FBXW7: variants seen among roughly 807,000 people sequenced by gnomAD.
FBXW7 encodes F-box and WD repeat domain containing 7.
Under a neutral mutation model 86.3 loss-of-function variants are expected in FBXW7, and 11 were observed. The ratio of observed to expected loss-of-function variants is 0.13; its 90% CI spans 0.08 to 0.21. FBXW7 has a LOEUF of 0.21. FBXW7 is among the 10% of genes least tolerant of loss of function. FBXW7 has a pLI of 1.00. For missense variants in FBXW7, 488 were observed against 847.4 expected, an observed-to-expected ratio of 0.58 and a Z score of 5.27; for synonymous variants, 313 against 297.9, an observed-to-expected ratio of 1.05 and a Z score of -0.52.
At chr4:152,432,710 G>A (rs1466124158) in intron 2 of FBXW7, among the ~76,000 whole-genome samples, 1 of 152,200 alleles carries the variant, frequency 6.6e-6, no homozygotes, top group African/African-American at 2.4e-5. Context: ...TACTAAAGAG[G>A]CTGAGGCAGG....
chr4:152,519,088 G>T (rs999386407), intron 2 of FBXW7, among the ~76,000 whole-genome samples: 20 of 152,168 alleles, frequency 1.3e-4, no homozygotes, highest in African/African-American at 4.6e-4. Context: ...CACGAGGTCA[G>T]GAGATCGAGA....
intron 2 of FBXW7, among the ~76,000 whole-genome samples, chr4:152,523,458 T>G (rs1337612726): frequency 1.3e-5 from 2 of 152,190 alleles, no homozygotes; most frequent in African/African-American, 4.8e-5. Context: ...TCCCCTCCTC[T>G]TAAGAAAATG....
intron 4 of FBXW7, among the ~76,000 whole-genome samples, chr4:152,379,643 A>G (rs997460642): frequency 2.6e-5 from 4 of 152,114 alleles, no homozygotes; most frequent in Non-Finnish European, 5.9e-5. Context: ...CTTGGCCCCC[A>G]AAGTGTTGGG....
At chr4:152,410,452 G>A (rs115761806) in intron 4 of FBXW7, among the ~76,000 whole-genome samples, 2,704 of 152,244 alleles carry the variant, frequency 0.018, 73 homozygotes, top group African/African-American at 0.062. Flanking sequence ...TTGATGTCAC[G>A]TCCTTCTTAG....
At chr4:152,343,696 C>T (rs1158379260) in intron 6 of FBXW7, among the ~76,000 whole-genome samples, 1 of 152,044 alleles carries the variant, frequency 6.6e-6, no homozygotes, top group East Asian at 1.9e-4. Flanking sequence ...CATTTATTAG[C>T]ACCTGAATGA....
At chr4:152,381,450 G>A (rs958739895) in intron 4 of FBXW7, among the ~76,000 whole-genome samples, 1 of 152,004 alleles carries the variant, frequency 6.6e-6, no homozygotes, top group African/African-American at 2.4e-5. Flanking sequence ...ATAAACCTAT[G>A]TTAGATCTAA....
chr4:152,332,421 T>A (rs115185891), intron 8 of FBXW7, among the ~76,000 whole-genome samples, 175 bp downstream of exon 8: 1 of 152,186 alleles, frequency 6.6e-6, no homozygotes, highest in Non-Finnish European at 1.5e-5. Context: ...TTGCTATTAG[T>A]TATATTGCTT....
intron 2 of FBXW7, among the ~76,000 whole-genome samples, chr4:152,458,727 C>T (rs1347366018): frequency 6.6e-6 from 1 of 152,146 alleles, no homozygotes; most frequent in Admixed American, 6.5e-5. Context: ...TAAATCAGCT[C>T]TATTAAGAGT....
intron 2 of FBXW7, among the ~76,000 whole-genome samples, chr4:152,505,525 A>AT (rs1491270202): frequency 5.3e-5 from 8 of 152,030 alleles, no homozygotes; most frequent in Admixed American, 2.0e-4. Flanking sequence ...TTTAAAAAAA[A>AT]TTTTTTTAAC....
chr4:152,438,186 T>TA (rs1351281684), intron 2 of FBXW7, among the ~76,000 whole-genome samples: 1 of 152,128 alleles, frequency 6.6e-6, no homozygotes, highest in African/African-American at 2.4e-5. Context: ...AATAAATAAA[T>TA]AGTAAAGTAT....
chr4:152,427,320 A>G (rs1739476739), intron 2 of FBXW7, among the ~76,000 whole-genome samples: 1 of 152,262 alleles, frequency 6.6e-6, no homozygotes, highest in Non-Finnish European at 1.5e-5. Flanking sequence ...CTCACTGATC[A>G]GAACCACTAG....
chr4:152,451,341 T>A (rs1430990031), intron 2 of FBXW7, among the ~76,000 whole-genome samples: 1 of 152,218 alleles, frequency 6.6e-6, no homozygotes, highest in Non-Finnish European at 1.5e-5. Context: ...TCAAATGATT[T>A]TCATTTCCTT....
At chr4:152,520,572 A>G (rs539842555) in intron 2 of FBXW7, among the ~76,000 whole-genome samples, 17 of 152,232 alleles carry the variant, frequency 1.1e-4, no homozygotes, top group African/African-American at 4.1e-4. Flanking sequence ...TTAAGAGTAC[A>G]TACTCACTTA....
At chr4:152,337,978 T>A in intron 6 of FBXW7, 42 bp from the exon 7 acceptor site, 2 of 1,570,312 alleles carry the variant, frequency 1.3e-6, no homozygotes, top group Non-Finnish European at 1.7e-6. Flanking sequence ...TTAACAGATG[T>A]CCCAAATTAC....
intron 2 of FBXW7, among the ~76,000 whole-genome samples, chr4:152,527,865 T>TATACACACACACACAC (rs1554003395): frequency 2.9e-5 from 4 of 137,482 alleles, no homozygotes; most frequent in African/African-American, 1.2e-4. Flanking sequence ...AAAAATTATA[T>TATACACACACACACAC]ACACACACAC....
At chr4:152,493,571 G>C (rs925237597) in intron 2 of FBXW7, among the ~76,000 whole-genome samples, 5 of 152,144 alleles carry the variant, frequency 3.3e-5, no homozygotes, top group African/African-American at 1.2e-4. Flanking sequence ...GTCAGAACAC[G>C]ACTGTATTTG....
intron 2 of FBXW7, among the ~76,000 whole-genome samples, chr4:152,524,753 A>G (rs1749347891): frequency 6.6e-6 from 1 of 152,174 alleles, no homozygotes; most frequent in South Asian, 2.1e-4. Flanking sequence ...TTTATTTTAA[A>G]AAAAAGGAAA....
At chr4:152,428,812 T>C (rs1471713713) in intron 2 of FBXW7, among the ~76,000 whole-genome samples, 1 of 152,240 alleles carries the variant, frequency 6.6e-6, no homozygotes, top group African/African-American at 2.4e-5. Context: ...TTGATTTTGT[T>C]GTTTTGCCTA....
At chr4:152,383,388 CT>C (rs1735260582) in intron 4 of FBXW7, among the ~76,000 whole-genome samples, 1 of 152,146 alleles carries the variant, frequency 6.6e-6, no homozygotes. Context: ...GATGAAGACT[CT>C]CTTCAAAGTG....
Sources: gnomAD v4.1 joint callset for allele counts (sites outside exome capture counted in the v4.1 genomes callset) on GRCh38, gnomAD v4.1.1 for gene constraint, MANE v1.5 for transcripts, NCBI Gene and HGNC (gene_info 2026-07-23, HGNC 2026-07-21) for gene names.